ANK3: variants seen among roughly 807,000 people sequenced by gnomAD.
The protein encoded by ANK3 is ankyrin 3.
A neutral mutation model predicts 370.9 loss-of-function variants in ANK3; 57 were observed. That is an observed-to-expected ratio of 0.15 (90% CI 0.12 to 0.19). The LOEUF (loss-of-function observed/expected upper bound fraction) is 0.19, where lower values mean the gene tolerates loss of function less well. Ranked by LOEUF, ANK3 falls within the 10% of genes least tolerant of loss-of-function variation. The pLI is 1.00. For synonymous variants in ANK3, 1,929 were observed against 1,946.3 expected (o/e 0.99, Z 0.23); for missense variants, 4,439 against 5,302.1 (o/e 0.84, Z 5.06).
chr10:60,151,501 C>T (rs1397029603), intron 23 of ANK3, among the ~76,000 whole-genome samples: 2 of 152,158 alleles, frequency 1.3e-5, no homozygotes, highest in Admixed American at 6.5e-5. Context: ...CCACCTAACT[C>T]TCCTTTACCT....
intron 1 of ANK3, among the ~76,000 whole-genome samples, chr10:60,643,832 C>T (rs1588962761): frequency 6.6e-6 from 1 of 152,226 alleles, no homozygotes; most frequent in Middle Eastern, 3.4e-3. Context: ...GGACTTGTAA[C>T]CCAGGACCAG....
intron 23 of ANK3, among the ~76,000 whole-genome samples, chr10:60,147,728 C>T (rs1025186404): frequency 6.6e-6 from 1 of 152,148 alleles, no homozygotes; most frequent in Non-Finnish European, 1.5e-5. Context: ...CCTGCACCGG[C>T]CTTGTAAAGT....
At chr10:60,060,686 G>C (rs919271609) in intron 40 of ANK3, 2 of 152,158 alleles carry the variant, frequency 1.3e-5, no homozygotes, top group Non-Finnish European at 2.9e-5. Context: ...TGTAGTTTTA[G>C]GGTGTTGTAC....
At chr10:60,688,481 T>C (rs1035750538) in intron 1 of ANK3, among the ~76,000 whole-genome samples, 1 of 152,236 alleles carries the variant, frequency 6.6e-6, no homozygotes, top group African/African-American at 2.4e-5. Context: ...TTGTTGAGGA[T>C]AGATCTCATG....
At chr10:60,408,162 TTC>T (rs2063490501) in intron 2 of ANK3, among the ~76,000 whole-genome samples, 1 of 152,224 alleles carries the variant, frequency 6.6e-6, no homozygotes, top group Non-Finnish European at 1.5e-5. Context: ...ATTTTGAACT[TTC>T]TGTTACATTC....
At chr10:60,445,069 A>T (rs2064407231) in intron 2 of ANK3, among the ~76,000 whole-genome samples, 1 of 152,230 alleles carries the variant, frequency 6.6e-6, no homozygotes, top group African/African-American at 2.4e-5. Flanking sequence ...AGGCACAAAA[A>T]TTAATGCAAT....
At chr10:60,211,564 A>G (rs2096854414) in intron 9 of ANK3, among the ~76,000 whole-genome samples, 1 of 152,198 alleles carries the variant, frequency 6.6e-6, no homozygotes, top group South Asian at 2.1e-4. Flanking sequence ...TGTAAAGAAC[A>G]TAGAGCCTGA....
intron 1 of ANK3, among the ~76,000 whole-genome samples, chr10:60,714,748 C>T (rs963012846): frequency 1.3e-5 from 2 of 152,140 alleles, no homozygotes; most frequent in Non-Finnish European, 2.9e-5. Context: ...CTACAAGCTA[C>T]TCAAGAAGCT....
chr10:60,647,351 C>T (rs922496110), intron 1 of ANK3, among the ~76,000 whole-genome samples: 12 of 152,126 alleles, frequency 7.9e-5, no homozygotes, highest in South Asian at 2.1e-4. Context: ...TGCCAAATTG[C>T]GGCTGCAATA....
chr10:60,440,883 A>G (rs2064283092), intron 2 of ANK3, among the ~76,000 whole-genome samples: 1 of 152,194 alleles, frequency 6.6e-6, no homozygotes, highest in South Asian at 2.1e-4. Context: ...ATTGGAACTA[A>G]CAGTAGATAC....
Position 60,473,353 on chromosome 10 carries a change from A to G in ANK3, c.96+141833T>C, listed in dbSNP as rs142612690. ...AAGAACTTACATTTATTCATTTTAT[A>G]AAGAAAATCCAGGATATAAATCTAT... On this transcript the variant is annotated intron_variant, in intron 2 of 43. Transcript: ENST00000373827. 6.3e-3 allele frequency among the ~76,000 whole-genome samples: 955 copies of G among 152,356 alleles called. 3 individuals are homozygous for G. Among genetic ancestry groups the G allele is most frequent in the Admixed American group, 7.5e-3 (114 of 15,294 alleles).
chr10:60,423,675 T>C (rs1359851581), intron 2 of ANK3, among the ~76,000 whole-genome samples: 1 of 152,014 alleles, frequency 6.6e-6, no homozygotes, highest in East Asian at 1.9e-4. Flanking sequence ...TACCCAGCAT[T>C]TTCTCTCTTA....
At chr10:60,587,239 C>T (rs1318194258) in intron 2 of ANK3, among the ~76,000 whole-genome samples, 3 of 152,134 alleles carry the variant, frequency 2.0e-5, no homozygotes, top group Non-Finnish European at 4.4e-5. Flanking sequence ...GTCCAATCAC[C>T]TCCCGCCAGG....
At chr10:60,292,854 C>G (rs1213358102) in intron 1 of ANK3, among the ~76,000 whole-genome samples, 3 of 151,962 alleles carry the variant, frequency 2.0e-5, no homozygotes, top group African/African-American at 7.3e-5. Flanking sequence ...ATTACAGGCA[C>G]CCACAACCAC....
intron 4 of ANK3, among the ~76,000 whole-genome samples, chr10:60,276,981 C>T (rs2098100450): frequency 1.3e-5 from 2 of 152,212 alleles, no homozygotes; most frequent in Non-Finnish European, 1.5e-5. Flanking sequence ...TTCAATTTTA[C>T]ATCATTCCTT....
At chr10:60,650,366 C>CAAAA (rs869281312) in intron 1 of ANK3, among the ~76,000 whole-genome samples, 1 of 27,208 alleles carries the variant, frequency 3.7e-5, no homozygotes. Flanking sequence ...TACTACTTTA[C>CAAAA]AAAAAAAAAA....
At chr10:60,521,614 A>G (rs1244474391) in intron 2 of ANK3, among the ~76,000 whole-genome samples, 1 of 152,154 alleles carries the variant, frequency 6.6e-6, no homozygotes, top group East Asian at 1.9e-4. Flanking sequence ...TACAGACAGT[A>G]GCTGCAACAT....
chr10:60,149,233 G>T (rs1227027440), intron 23 of ANK3, among the ~76,000 whole-genome samples: 1 of 152,086 alleles, frequency 6.6e-6, no homozygotes, highest in African/African-American at 2.4e-5. Context: ...TCCCCATTGG[G>T]ACATCTTTCC....
At chr10:60,276,112 T>G (rs755502788) in intron 4 of ANK3, among the ~76,000 whole-genome samples, 29 of 152,184 alleles carry the variant, frequency 1.9e-4, no homozygotes, top group Non-Finnish European at 4.3e-4. Flanking sequence ...CTTTAAAATC[T>G]ACAAATTCCT....
Sources: allele counts gnomAD v4.1 joint callset (sites outside exome capture counted in the v4.1 genomes callset), GRCh38; gene constraint gnomAD v4.1.1; transcripts MANE v1.5; gene names NCBI Gene and HGNC (gene_info 2026-07-23, HGNC 2026-07-21).